The following ZNF827 variants were observed in gnomAD, a reference collection of about 807,000 sequenced individuals.
The protein encoded by ZNF827 is zinc finger protein 827.
Under a neutral mutation model 102.4 loss-of-function variants are expected in ZNF827, and 13 were observed. That is an observed-to-expected ratio of 0.13 (90% confidence interval 0.08 to 0.20). The LOEUF is 0.20. Among genes scored for constraint, ZNF827 ranks in the 10% least tolerant of loss-of-function variants. The pLI is 1.00. For synonymous variants in ZNF827, 523 were observed against 536.2 expected, an observed-to-expected ratio of 0.98 and a Z score of 0.34; for missense variants, 1,103 against 1,344.4, an observed-to-expected ratio of 0.82 and a Z score of 2.81.
At chr4:145,816,465 G>A (rs1742605968) in intron 8 of ZNF827, among the ~76,000 whole-genome samples, 1 of 152,192 alleles carries the variant, frequency 6.6e-6, no homozygotes, top group African/African-American at 2.4e-5. Flanking sequence ...ATAAATGCTG[G>A]TCTATAGGGG....
chr4:145,834,695 C>T (rs1432525621), intron 7 of ZNF827, among the ~76,000 whole-genome samples: 149 of 151,966 alleles, frequency 9.8e-4, no homozygotes, highest in African/African-American at 3.5e-3. Context: ...GTTCATGACT[C>T]GTTTGGCAGC....
intron 5 of ZNF827, among the ~76,000 whole-genome samples, chr4:145,857,053 A>T (rs1747214738): frequency 6.6e-6 from 1 of 152,186 alleles, no homozygotes; most frequent in Non-Finnish European, 1.5e-5. Context: ...ATCAGAATTG[A>T]TTTCTTGAAT....
intron 8 of ZNF827, among the ~76,000 whole-genome samples, chr4:145,818,395 C>A (rs1361320782): frequency 1.3e-5 from 2 of 152,226 alleles, no homozygotes; most frequent in Non-Finnish European, 2.9e-5. Context: ...ATTCCTATGT[C>A]TCAATGAGTT....
chr4:145,829,625 A>G (rs1283815968), intron 7 of ZNF827, among the ~76,000 whole-genome samples: 3 of 152,210 alleles, frequency 2.0e-5, no homozygotes, highest in African/African-American at 7.2e-5. Context: ...GAGAAACTAT[A>G]TGTTGCAAAA....
At chr4:145,916,240 G>T (rs941929936) in intron 1 of ZNF827, among the ~76,000 whole-genome samples, 2 of 152,178 alleles carry the variant, frequency 1.3e-5, no homozygotes, top group Non-Finnish European at 1.5e-5. Context: ...GCCCCCAGGC[G>T]GTCGTGAAAT....
chr4:145,917,155 T>C (rs887069185), intron 1 of ZNF827, among the ~76,000 whole-genome samples: 1 of 152,230 alleles, frequency 6.6e-6, no homozygotes, highest in African/African-American at 2.4e-5. Flanking sequence ...TCTTCTAGCA[T>C]CTATCCATTA....
Position 145,916,255 on chromosome 4 carries a change from A to G in ZNF827, c.44-13040T>C, listed in dbSNP as rs147438682. Among the ~76,000 whole-genome samples, 6 of 152,274 alleles carry G rather than the reference A, an allele frequency of 3.9e-5. No homozygotes were observed. In the East Asian group the frequency reaches 1.2e-3, roughly 29 times the overall value. The stretch of plus-strand genomic sequence containing the variant: ...GCCCCCAGGCGGTCGTGAAATCTAG[A>G]TGAAGGAAGCCATATGCCCACAGCT... On this transcript the variant is annotated intron_variant, in intron 1 of 14. Coordinates refer to ENST00000508784, the MANE Select transcript of ZNF827 (RefSeq NM_001306215.2).
At chr4:145,928,563 G>A (rs1472866) in intron 1 of ZNF827, among the ~76,000 whole-genome samples, 99,793 of 152,112 alleles carry the variant, frequency 0.66, 35,380 homozygotes, top group African/African-American at 0.91. Flanking sequence ...AAATATCTAC[G>A]TGTATAGGCT....
intron 1 of ZNF827, among the ~76,000 whole-genome samples, chr4:145,922,797 T>G (rs559002352): frequency 6.6e-6 from 1 of 152,318 alleles, no homozygotes; most frequent in South Asian, 2.1e-4. Flanking sequence ...TGGCAGACTC[T>G]TCATTGGAAA....
At chr4:145,865,146 T>C (rs1748069438) in intron 5 of ZNF827, among the ~76,000 whole-genome samples, 2 of 152,160 alleles carry the variant, frequency 1.3e-5, no homozygotes, top group African/African-American at 4.8e-5. Context: ...GGAATAATCA[T>C]GAAATTTAAC....
chr4:145,788,575 T>G (rs1274073179), intron 8 of ZNF827, among the ~76,000 whole-genome samples: 3 of 152,258 alleles, frequency 2.0e-5, no homozygotes, highest in Non-Finnish European at 4.4e-5. Context: ...CTATAAAACC[T>G]TATTGAATAA....
At chr4:145,792,095 G>C (rs1278251568) in intron 8 of ZNF827, among the ~76,000 whole-genome samples, 1 of 152,162 alleles carries the variant, frequency 6.6e-6, no homozygotes, top group Non-Finnish European at 1.5e-5. Context: ...TCTATGAGAT[G>C]GTGACCTCGT....
intron 1 of ZNF827, among the ~76,000 whole-genome samples, chr4:145,933,786 T>TG (rs1753970374): frequency 9.6e-6 from 1 of 104,538 alleles, no homozygotes; most frequent in African/African-American, 6.9e-5. Context: ...TCACCAATGG[T>TG]GAAAAAAAAA....
chr4:145,808,686 T>A (rs1383512699), intron 8 of ZNF827, among the ~76,000 whole-genome samples: 2 of 152,252 alleles, frequency 1.3e-5, no homozygotes, highest in Non-Finnish European at 2.9e-5. Context: ...ACTTTGCAAA[T>A]ACCACTTTAC....
At chr4:145,802,205 T>G (rs1043704164) in intron 8 of ZNF827, among the ~76,000 whole-genome samples, 7 of 152,220 alleles carry the variant, frequency 4.6e-5, no homozygotes, top group African/African-American at 1.7e-4. Flanking sequence ...ACTTTATCAT[T>G]ACTTTAAGAC....
At chr4:145,831,773 G>A (rs1025256376) in intron 7 of ZNF827, 27 of 152,210 alleles carry the variant, frequency 1.8e-4, no homozygotes, top group African/African-American at 6.5e-4. Context: ...GACTTAAAAT[G>A]CAGGAGGAAA....
chr4:145,853,685 AG>A (rs199812346), intron 5 of ZNF827, among the ~76,000 whole-genome samples: 7 of 152,160 alleles, frequency 4.6e-5, no homozygotes, highest in African/African-American at 1.7e-4. Flanking sequence ...GTCTGAATTA[AG>A]AATGAAAAGA....
chr4:145,852,147 A>G (rs1746597471), intron 5 of ZNF827, among the ~76,000 whole-genome samples: 2 of 152,192 alleles, frequency 1.3e-5, no homozygotes, highest in Admixed American at 1.3e-4. Flanking sequence ...ACAAATACAA[A>G]GGGATTCACT....
At chr4:145,912,693 A>T (rs1752375659) in intron 1 of ZNF827, among the ~76,000 whole-genome samples, 1 of 152,198 alleles carries the variant, frequency 6.6e-6, no homozygotes, top group Admixed American at 6.5e-5. Flanking sequence ...ACACCATGAG[A>T]TGAGTTATGC....
Sources: allele counts gnomAD v4.1 joint callset (sites outside exome capture counted in the v4.1 genomes callset), GRCh38; gene constraint gnomAD v4.1.1; transcripts MANE v1.5; gene names NCBI Gene and HGNC (gene_info 2026-07-23, HGNC 2026-07-21).